Variants in KRT33B observed in about 807,000 individuals in gnomAD.
KRT33B encodes keratin, type I cuticular Ha3-II.
KRT33B carries 37 observed loss-of-function variants against 42.7 expected under a neutral mutation model. The observed-to-expected ratio is 0.87, with a 90% CI of 0.67 to 1.14. The LOEUF is 1.14. KRT33B is among the 50% of genes most tolerant of loss of function. The probability of loss-of-function intolerance (pLI) is 0.00; values close to 1 mark genes in which losing one functional copy is unlikely to be tolerated. For missense variants in KRT33B, 523 were observed against 515.1 expected (o/e 1.02, Z -0.15); for synonymous variants, 237 against 221.2 (o/e 1.07, Z -0.63).
Position 41,369,707 on chromosome 17 carries a change from C to G in KRT33B, c.44G>C (p.Ser15Thr). ...FCLPSLSCRT[S>T]CSSRPCVPPS... ...GGGCACACAGGGCCGGGAGGAGCAG[C>G]TGGTGCGGCAGCTCAGGCTGGGCAG... is the stretch of plus-strand genomic sequence containing the variant. The change falls in exon 1 of 7, where the codon AGC becomes ACC. Residue 15 changes from serine (S) to threonine (T), a missense_variant. Coordinates refer to ENST00000251646, the MANE Select transcript of KRT33B (RefSeq NM_002279.5). 3 of 1,613,930 alleles carry G rather than the reference C, an allele frequency of 1.9e-6. No homozygotes were observed. Among genetic ancestry groups the G allele is most frequent in the Non-Finnish European group, 2.5e-6 (3 of 1,179,888 alleles).
At chr17:41,365,115 T>C in intron 5 of KRT33B, 60 bp downstream of exon 5, 6 of 1,608,988 alleles carry the variant, frequency 3.7e-6, no homozygotes, top group Non-Finnish European at 5.1e-6. Flanking sequence ...CCCAAGGGCA[T>C]CCCCAAGACT....
chr17:41,366,075 C>T (rs970498706), intron 3 of KRT33B, among the ~76,000 whole-genome samples: 6 of 151,300 alleles, frequency 4.0e-5, no homozygotes, highest in African/African-American at 1.5e-4. Context: ...TCCATTCATC[C>T]ATCTATCCAT....
At position 41,366,694 on chromosome 17, in the gene KRT33B, G is replaced by A. The variant is rs58723135; in HGVS notation, c.432-68C>T. ...AGTCTTTGTTTCCCGGCCTTTACTT[G>A]GCTGACTTAGTCAATTTTATTATAT... On this transcript the variant is annotated intron_variant, in intron 2 of 6. Transcript: ENST00000251646. The A allele has an allele frequency of 2.3e-4, 326 of 1,429,940 alleles. 12 individuals carry two copies. The African/African-American group carries it at 4.2e-3, about 18-fold the overall frequency. 88.6% of individuals were successfully genotyped at this position (1,429,940 alleles called of 1,614,324 possible). A position where few individuals can be genotyped will look rare whatever the true frequency, so the allele number is the denominator to read the frequency against.
chr17:41,368,263 A>C lies in KRT33B; in HGVS notation c.349-273T>G, dbSNP rs549472213. 2.8e-4 allele frequency among the ~76,000 whole-genome samples: 43 copies of C among 151,510 alleles called. 2 individuals are homozygous for C. The highest frequency in any genetic ancestry group is 9.6e-4 in the African/African-American group (39 of 40,796). On this transcript the variant is annotated intron_variant, in intron 1 of 6. Transcript: ENST00000251646. ...TATCCAACCCTTCGGTTGGGTGACC[A>C]ACCATCCCAGTTAACTTAGGACTGA...
At position 41,369,777 on chromosome 17, in the gene KRT33B, A is replaced by T. The variant is rs1310616610; in HGVS notation, c.-27T>A. The T allele has an allele frequency of 6.3e-6, 10 of 1,598,854 alleles. No homozygotes were observed. In the East Asian group the frequency reaches 1.1e-4, roughly 18 times the overall value. ...GTGCAGGGAGGCAGTGGAGCTCTGG[A>T]AGTCAGTTTCAAAACCTGATTCCTT... is the stretch of plus-strand genomic sequence containing the variant. On this transcript the variant is annotated 5_prime_UTR_variant, in exon 1 of 7. Coordinates refer to ENST00000251646, the MANE Select transcript of KRT33B (RefSeq NM_002279.5).
chr17:41,365,025 C>T, intron 5 of KRT33B, 26 bp from the exon 6 acceptor site: 1 of 1,612,924 alleles, frequency 6.2e-7, no homozygotes. Context: ...TCAGGAATGT[C>T]AGAGAGCTGC....
chr17:41,364,888 T>C lies in KRT33B; in HGVS notation c.988A>G (p.Ser330Gly). 2 of 1,613,326 alleles carry C rather than the reference T, an allele frequency of 1.2e-6. No individual in the cohort carries two copies. Among genetic ancestry groups the C allele is most frequent in the African/African-American group, 1.3e-5 (1 of 74,182 alleles). Residue 330 changes from serine (S) to glycine (G), a missense_variant, in exon 6 of 7, where the codon AGT (serine) becomes GGT (glycine). Ser to Gly is a moderately conservative substitution (Grantham distance 56). Coordinates refer to ENST00000251646, the MANE Select transcript of KRT33B (RefSeq NM_002279.5). Reference protein sequence around the residue: ...NVESQLAEIRSDLERQNQEYQ... With the variant: ...NVESQLAEIRGDLERQNQEYQ... ...TCCTGGTTCTGCCGCTCCAGGTCAC[T>C]GCGGATCTCCGCCAGCTGGGACTCC...
chr17:41,364,380 C>T (rs975102578), intron 6 of KRT33B, among the ~76,000 whole-genome samples: 1 of 151,398 alleles, frequency 6.6e-6, no homozygotes, highest in African/African-American at 2.5e-5. Context: ...GATAATGATT[C>T]CCACTCTGCC....
intron 1 of KRT33B, among the ~76,000 whole-genome samples, chr17:41,369,050 T>C (rs2017740113): frequency 6.6e-6 from 1 of 151,410 alleles, no homozygotes; most frequent in South Asian, 2.1e-4. Context: ...ATTCTTAGCA[T>C]AGAAAATAAT....
At position 41,365,888 on chromosome 17, in the gene KRT33B, C is replaced by T. The variant is rs148145240; in HGVS notation, c.589-335G>A. ...ATAGAGAAACCAGGTTTCATTCCTC[C>T]TATTTATTTCATGGGATACTACTAG... is the stretch of plus-strand genomic sequence containing the variant. On this transcript the variant is annotated intron_variant, in intron 3 of 6. Transcript: ENST00000251646. Among the ~76,000 whole-genome samples, 3 of 151,366 alleles carry T rather than the reference C, an allele frequency of 2.0e-5. 1 individual carries two copies. The highest frequency in any genetic ancestry group is 7.4e-5 in the African/African-American group (3 of 40,654).
intron 3 of KRT33B, among the ~76,000 whole-genome samples, chr17:41,365,899 A>T (rs1408335653): frequency 6.6e-6 from 1 of 151,218 alleles, no homozygotes; most frequent in Non-Finnish European, 1.5e-5. Context: ...TATTTATTTC[A>T]TGGGATACTA....
rs201850085 is a variant in KRT33B at position 41,369,674 on chromosome 17, C to T, written c.77G>A (p.Cys26Tyr). 174 of 1,613,928 alleles carry T rather than the reference C, an allele frequency of 1.1e-4. 1 individual carries two copies. In the East Asian group the frequency reaches 3.7e-3, roughly 34 times the overall value. Residue 26 changes from cysteine (C) to tyrosine (Y), a missense_variant, in exon 1 of 7, where the codon TGC (cysteine) becomes TAC (tyrosine). Transcript: ENST00000251646. Reference sequence around the variant, plus strand: ...GGCCCCGGGCAGGGTGTAGCCGTGGCAGCTGGGGGGCACACAGGGCCGGGA... The same window carrying T: ...GGCCCCGGGCAGGGTGTAGCCGTGGTAGCTGGGGGGCACACAGGGCCGGGA... Reference protein sequence around the residue: ...CSSRPCVPPSCHGYTLPGACN... With the variant: ...CSSRPCVPPSYHGYTLPGACN...
chr17:41,367,852 C>A, intron 2 of KRT33B, 56 bp downstream of exon 2: 3 of 1,496,990 alleles, frequency 2.0e-6, no homozygotes, highest in South Asian at 2.3e-5. Context: ...GAGCTCATCA[C>A]TTTGTAATTC....
rs750620052 is a variant in KRT33B, at chr17:41,363,969, A to G, written c.1098-16T>C. On this transcript the variant is annotated splice_polypyrimidine_tract_variant and intron_variant, in intron 6 of 6. Transcript: ENST00000251646. ...GGAGGGCAGCCTGGGATGCAGAAGC[A>G]TTAGACTGTCAGCATGAGAAGGGTG... The G allele has an allele frequency of 7.1e-6, 11 of 1,552,894 alleles. No homozygotes were observed. The South Asian group carries it at 1.2e-4, about 18-fold the overall frequency.
Position 41,365,543 on chromosome 17 carries a change from G to A in KRT33B, c.599C>T (p.Thr200Ile), listed in dbSNP as rs991432095. The A allele has an allele frequency of 1.9e-6, 3 of 1,610,410 alleles. No homozygotes were observed. Among genetic ancestry groups the A allele is most frequent in the African/African-American group, 2.7e-5 (2 of 73,566 alleles). Residue 200 changes from threonine (T) to isoleucine (I), a missense_variant, in exon 4 of 7, where the codon ACC (threonine) becomes ATC (isoleucine). Coordinates refer to ENST00000251646, the MANE Select transcript of KRT33B (RefSeq NM_002279.5). ...GCGGTCTCCAAGCTGGCAGCGCAAGGTGTTGACTTCCTAATGGAGAAAAGG... is the reference window on the plus strand; with the variant it reads ...GCGGTCTCCAAGCTGGCAGCGCAAGATGTTGACTTCCTAATGGAGAAAAGG... ...LKQNHEQEVN[T>I]LRCQLGDRLN...
chr17:41,365,984 T>C (rs534339715), intron 3 of KRT33B, among the ~76,000 whole-genome samples: 1 of 151,512 alleles, frequency 6.6e-6, no homozygotes, highest in East Asian at 1.9e-4. Flanking sequence ...TAGTATTGCA[T>C]TCAGCCATGA....
At chr17:41,364,675 T>A (rs2017670662) in intron 6 of KRT33B, 104 bp downstream of exon 6, 2 of 1,460,882 alleles carry the variant, frequency 1.4e-6, no homozygotes, top group Admixed American at 1.8e-5. Context: ...CTCTCGCCTC[T>A]ACAGACAGAT....
chr17:41,367,890 T>C lies in KRT33B; in HGVS notation c.431+18A>G. 2 of 1,610,108 alleles carry C rather than the reference T, an allele frequency of 1.2e-6. No homozygotes were observed. Among genetic ancestry groups the C allele is most frequent in the Non-Finnish European group, 1.7e-6 (2 of 1,178,018 alleles). ...CCTGTCCGTTACTAGACTGCTCTGATGGTTAGGAAAATCTTACTTGGTTCT... is the reference window on the plus strand; with the variant it reads ...CCTGTCCGTTACTAGACTGCTCTGACGGTTAGGAAAATCTTACTTGGTTCT... On this transcript the variant is annotated intron_variant, in intron 2 of 6. Coordinates refer to ENST00000251646, the MANE Select transcript of KRT33B (RefSeq NM_002279.5).
Position 41,369,430 on chromosome 17 carries a change from G to A in KRT33B, c.321C>T (p.Phe107=), listed in dbSNP as rs1050302526. 9.3e-6 allele frequency: 15 copies of A among 1,613,398 alleles called. No individual in the cohort carries two copies. Among genetic ancestry groups the A allele is most frequent in the African/African-American group, 5.4e-5 (4 of 74,236 alleles). ...TCTGCTGGAGCTCCTCAATGGTCTT[G>A]AAGTAGGACTGGTAGCTGGGGCACA... ...PLLCPSYQSY[F]KTIEELQQKI... Residue 107 remains phenylalanine, a synonymous_variant, in exon 1 of 7, where the codon TTC becomes TTT. Coordinates refer to ENST00000251646, the MANE Select transcript of KRT33B (RefSeq NM_002279.5).
Sources: gnomAD v4.1 joint callset for allele counts (sites outside exome capture counted in the v4.1 genomes callset) on GRCh38, gnomAD v4.1.1 for gene constraint, MANE v1.5 for transcripts, NCBI Gene and HGNC (gene_info 2026-07-23, HGNC 2026-07-21) for gene names.